Variants in RELN observed in about 807,000 individuals in gnomAD.
RELN encodes reelin.
In RELN, 108 loss-of-function variants were observed where a neutral mutation model predicts 427.6. The ratio of observed to expected loss-of-function variants is 0.25; its 90% CI spans 0.22 to 0.30. RELN has a LOEUF of 0.30. Ranked by LOEUF, RELN falls within the 10% of genes least tolerant of loss-of-function variation. The pLI is 1.00. For synonymous variants in RELN, 1,524 were observed against 1,513.4 expected, an observed-to-expected ratio of 1.01 and a Z score of -0.16; for missense variants, 3,715 against 4,302.8, an observed-to-expected ratio of 0.86 and a Z score of 3.82.
At chr7:103,908,800 A>G (rs1795275213) in intron 2 of RELN, among the ~76,000 whole-genome samples, 1 of 152,204 alleles carries the variant, frequency 6.6e-6, no homozygotes, top group African/African-American at 2.4e-5. Context: ...AATAAAGACC[A>G]AATGTAAGTT....
chr7:103,725,598 T>A (rs755521966), intron 7 of RELN, among the ~76,000 whole-genome samples: 17 of 152,190 alleles, frequency 1.1e-4, no homozygotes, highest in Non-Finnish European at 2.4e-4. Flanking sequence ...TAGTGAAGAA[T>A]TTCTTTTTTT....
intron 2 of RELN, among the ~76,000 whole-genome samples, chr7:103,875,070 T>C (rs1794446492): frequency 2.1e-5 from 3 of 145,644 alleles, no homozygotes; most frequent in African/African-American, 7.4e-5. Flanking sequence ...TACAACTATC[T>C]GATCTTTGAC....
At chr7:103,588,746 A>G (rs1490015341) in intron 28 of RELN, among the ~76,000 whole-genome samples, 1 of 152,210 alleles carries the variant, frequency 6.6e-6, no homozygotes, top group Non-Finnish European at 1.5e-5. Context: ...TCCAAATATA[A>G]GCATAGTGAG....
At chr7:103,814,315 G>T (rs1297693009) in intron 3 of RELN, among the ~76,000 whole-genome samples, 1 of 152,192 alleles carries the variant, frequency 6.6e-6, no homozygotes, top group Non-Finnish European at 1.5e-5. Context: ...TATGCTTAAA[G>T]AAAATGACAG....
chr7:103,949,332 A>G (rs569112944), intron 1 of RELN, among the ~76,000 whole-genome samples: 8 of 152,108 alleles, frequency 5.3e-5, no homozygotes, highest in Middle Eastern at 3.4e-3. Flanking sequence ...CACCAAATTT[A>G]TATGTTAAAA....
At chr7:103,846,953 A>G (rs767617381) in intron 2 of RELN, among the ~76,000 whole-genome samples, 2 of 152,192 alleles carry the variant, frequency 1.3e-5, no homozygotes, top group Non-Finnish European at 2.9e-5. Context: ...AGAAATAGGA[A>G]TGCTTTTACT....
At chr7:103,976,361 C>T (rs1410836859) in intron 1 of RELN, among the ~76,000 whole-genome samples, 2 of 152,044 alleles carry the variant, frequency 1.3e-5, no homozygotes, top group Non-Finnish European at 2.9e-5. Flanking sequence ...AGCAGAGCAC[C>T]CAGGCTGCTA....
chr7:103,970,267 T>C (rs1363920989), intron 1 of RELN, among the ~76,000 whole-genome samples: 1 of 151,754 alleles, frequency 6.6e-6, no homozygotes, highest in East Asian at 1.9e-4. Context: ...CTCAGCCTCC[T>C]GAGTAGCTGG....
At chr7:103,500,391 TAAC>T (rs937103139) in intron 53 of RELN, among the ~76,000 whole-genome samples, 19 of 151,718 alleles carry the variant, frequency 1.3e-4, no homozygotes, top group African/African-American at 4.1e-4. Flanking sequence ...ATAACAATAA[TAAC>T]AATAATATCT....
rs902573885 is a variant in RELN at position 103,489,994 on chromosome 7, A to T, written c.9606-95T>A. On this transcript the variant is annotated intron_variant, in intron 59 of 64. Coordinates refer to ENST00000428762, the MANE Select transcript of RELN (RefSeq NM_005045.4). ...CCTCTGGGAGAGGGGACTATTTGTG[A>T]GAAAAGGGCTTCCCAAATGTCTTCC... 3.5e-6 allele frequency: 5 copies of T among 1,433,662 alleles called. No homozygotes were observed. In the African/African-American group the frequency reaches 7.0e-5, roughly 20 times the overall value. The allele number at this position is 1,433,662 out of a possible 1,614,324, so 88.8% of individuals were successfully genotyped here. A position where few individuals can be genotyped will look rare whatever the true frequency, so the allele number is the denominator to read the frequency against.
At chr7:103,987,080 A>AAAAAC (rs1554453139) in intron 1 of RELN, among the ~76,000 whole-genome samples, 1 of 151,848 alleles carries the variant, frequency 6.6e-6, no homozygotes, top group African/African-American at 2.4e-5. Context: ...TTTACAAAAA[A>AAAAAC]AAAAAAAAAA....
At chr7:103,783,643 A>G (rs17155998) in intron 3 of RELN, among the ~76,000 whole-genome samples, 3,873 of 152,290 alleles carry the variant, frequency 0.025, 189 homozygotes, top group African/African-American at 0.089. Flanking sequence ...AAGGTTACCA[A>G]ATAGATGGTT....
rs541742856 is a variant in RELN at position 103,953,097 on chromosome 7, G to C, written c.227-35912C>G. Among the ~76,000 whole-genome samples the C allele has an allele frequency of 1.1e-3, 160 of 151,904 alleles. No homozygotes were observed. The highest frequency in any genetic ancestry group is 1.9e-3 in the Non-Finnish European group (126 of 68,006). Reference sequence around the variant, plus strand: ...TCTACCGTTCTCTTCCTCATCCCACGCGCTGATTCAAGCTCCAAGATTCCT... The same window carrying C: ...TCTACCGTTCTCTTCCTCATCCCACCCGCTGATTCAAGCTCCAAGATTCCT... On this transcript the variant is annotated intron_variant, in intron 1 of 64. Transcript: ENST00000428762. This position sits in a 1 kb window ranked among gnomAD's most constrained non-coding sequence, Gnocchi z 4.3.
intron 52 of RELN, 30 bp downstream of exon 52, chr7:103,502,986 A>C (rs767047051): frequency 6.3e-7 from 1 of 1,582,722 alleles, no homozygotes; most frequent in East Asian, 2.2e-5. Flanking sequence ...GGATGCTTGG[A>C]ACCAGGCTTT....
chr7:103,861,888 T>C (rs1794078931), intron 2 of RELN, among the ~76,000 whole-genome samples: 1 of 152,166 alleles, frequency 6.6e-6, no homozygotes, highest in East Asian at 1.9e-4. Context: ...TAAGGCAATG[T>C]AAGATCAACT....
chr7:103,866,367 G>C (rs552990634), intron 2 of RELN, among the ~76,000 whole-genome samples: 31 of 152,172 alleles, frequency 2.0e-4, no homozygotes, highest in African/African-American at 6.7e-4. Flanking sequence ...CCAAGCTAAG[G>C]TGCAGTTTGA....
intron 2 of RELN, among the ~76,000 whole-genome samples, chr7:103,859,063 A>T (rs1794012412): frequency 6.6e-6 from 1 of 152,184 alleles, no homozygotes; most frequent in Non-Finnish European, 1.5e-5. Flanking sequence ...GCTCCTTTTC[A>T]CTTTAAAACT....
At chr7:103,750,179 T>C (rs181985411) in intron 5 of RELN, among the ~76,000 whole-genome samples, 97 of 152,296 alleles carry the variant, frequency 6.4e-4, no homozygotes, top group African/African-American at 2.3e-3. Context: ...GGTTCCGCCA[T>C]GTTGGCCAGG....
chr7:103,642,514 C>T (rs566003389), intron 16 of RELN, among the ~76,000 whole-genome samples: 2 of 152,064 alleles, frequency 1.3e-5, no homozygotes, highest in African/African-American at 4.8e-5. Flanking sequence ...GTTTTGCATT[C>T]AACATACCTT....
Sources: allele counts gnomAD v4.1 joint callset (sites outside exome capture counted in the v4.1 genomes callset), GRCh38; gene constraint gnomAD v4.1.1; non-coding constraint Gnocchi (gnomAD v3.1); transcripts MANE v1.5; gene names NCBI Gene and HGNC (gene_info 2026-07-23, HGNC 2026-07-21).